The following TNFRSF1B variants were observed in gnomAD, a reference collection of about 807,000 sequenced individuals.
The protein encoded by TNFRSF1B is tumor necrosis factor receptor superfamily member 1B.
Under a neutral mutation model 44.6 loss-of-function variants are expected in TNFRSF1B, and 19 were observed. The ratio of observed to expected loss-of-function variants is 0.43; its 90% CI spans 0.30 to 0.62. The LOEUF (loss-of-function observed/expected upper bound fraction) is 0.62. Ranked by LOEUF, TNFRSF1B falls within the 20% of genes least tolerant of loss-of-function variation. TNFRSF1B has a pLI of 0.16. For synonymous variants in TNFRSF1B, 252 were observed against 261.1 expected (o/e 0.97, Z 0.34); for missense variants, 541 against 619.9 (o/e 0.87, Z 1.35).
chr1:12,185,540 G>A (rs1404189680), intron 1 of TNFRSF1B, among the ~76,000 whole-genome samples: 3 of 152,118 alleles, frequency 2.0e-5, no homozygotes, highest in East Asian at 1.9e-4. Context: ...TACTGGGACC[G>A]AGTGTGTGTG....
intron 4 of TNFRSF1B, 119 bp from the exon 5 acceptor site, chr1:12,192,312 G>T (rs753332077): frequency 5.2e-6 from 4 of 768,992 alleles, no homozygotes; most frequent in Non-Finnish European, 4.5e-6. Flanking sequence ...GTGTGTAAGG[G>T]GTGGAGGTGC....
Position 12,194,022 on chromosome 1 carries a change from C to A in TNFRSF1B, c.855C>A (p.Thr285=), listed in dbSNP as rs201648206. Residue 285 remains threonine, a synonymous_variant, in exon 7 of 10, where the codon ACC becomes ACA. Transcript: ENST00000376259. ...IIGVVNCVIM[T]QVKKKPLCLQ... is the part of the protein sequence containing the mutation. ...GAGTGGTGAACTGTGTCATCATGAC[C>A]CAGGTGAAAAGTAAGAGTCCATCCT... 1.1e-4 allele frequency: 172 copies of A among 1,613,606 alleles called. 1 individual carries two copies. The highest frequency in any genetic ancestry group is 1.4e-4 in the Non-Finnish European group (166 of 1,179,726).
At chr1:12,197,171 C>A (rs879667563) in intron 8 of TNFRSF1B, among the ~76,000 whole-genome samples, 3 of 152,052 alleles carry the variant, frequency 2.0e-5, no homozygotes, top group East Asian at 1.9e-4. Flanking sequence ...TGGTCTCAAA[C>A]CCCTGACCTC....
chr1:12,202,346 G>A (rs1639413090), intron 9 of TNFRSF1B, among the ~76,000 whole-genome samples, 175 bp downstream of exon 9: 1 of 152,198 alleles, frequency 6.6e-6, no homozygotes, highest in Non-Finnish European at 1.5e-5. Context: ...GCCCATGCTG[G>A]GCCTATCACC....
At position 12,178,685 on chromosome 1, in the gene TNFRSF1B, T is replaced by C. The variant is rs1207694328; in HGVS notation, c.79-10111T>C. ...GAAGTCAGCACTGCCAGGTCGGGGG[T>C]GGCGGGTCAGGACGTTTGGGCAGAG... On this transcript the variant is annotated intron_variant, in intron 1 of 9. Transcript: ENST00000376259. The surrounding 1 kb of genome is among the most constrained non-coding windows in gnomAD (Gnocchi z 4.3). Among the ~76,000 whole-genome samples the C allele has an allele frequency of 6.6e-6, 1 of 151,414 alleles. No homozygotes were observed. Among genetic ancestry groups the C allele is most frequent in the Non-Finnish European group, 1.5e-5 (1 of 67,906 alleles).
chr1:12,194,940 T>C (rs1258488767), intron 8 of TNFRSF1B, among the ~76,000 whole-genome samples: 1 of 152,246 alleles, frequency 6.6e-6, no homozygotes, highest in African/African-American at 2.4e-5. Context: ...GGGGGTTGTG[T>C]CTGCTCGATC....
At position 12,199,636 on chromosome 1, in the gene TNFRSF1B, G is replaced by A. The variant is rs1427639164; in HGVS notation, c.901-2331G>A. ...TTGGACAGAGAGGACCCTGGTACTCGCATCTGTTCTCAGACCACATCTGGA... is the reference window on the plus strand; with the variant it reads ...TTGGACAGAGAGGACCCTGGTACTCACATCTGTTCTCAGACCACATCTGGA... On this transcript the variant is annotated intron_variant, in intron 8 of 9. Transcript: ENST00000376259. The surrounding 1 kb of genome is among the most constrained non-coding windows in gnomAD (Gnocchi z 4.0). 6.6e-6 allele frequency among the ~76,000 whole-genome samples: 1 copy of A among 152,158 alleles called. No homozygotes were observed. Among genetic ancestry groups the A allele is most frequent in the Non-Finnish European group, 1.5e-5 (1 of 68,024 alleles).
chr1:12,188,662 AAACC>A, intron 1 of TNFRSF1B, 130 bp from the exon 2 acceptor site: 1 of 787,558 alleles, frequency 1.3e-6, no homozygotes, highest in Non-Finnish European at 2.0e-6. Flanking sequence ...CCAGGGGGAG[AAACC>A]TCCCCAGCCA....
intron 1 of TNFRSF1B, among the ~76,000 whole-genome samples, chr1:12,170,382 G>A (rs1638494343): frequency 6.6e-6 from 1 of 152,204 alleles, no homozygotes; most frequent in Non-Finnish European, 1.5e-5. Flanking sequence ...GTTCTCATCT[G>A]TGGTTGTGGA....
chr1:12,193,209 T>TATCCCAGGACAGGGCACAGG, intron 6 of TNFRSF1B, 111 bp downstream of exon 6: 1 of 976,318 alleles, frequency 1.0e-6, no homozygotes, highest in Non-Finnish European at 1.6e-6. Flanking sequence ...CTGGACCCTG[T>TATCCCAGGACAGGGCACAGG]GCCCTGTCCT....
intron 6 of TNFRSF1B, 146 bp downstream of exon 6, chr1:12,193,244 C>A: frequency 1.3e-6 from 1 of 756,450 alleles, no homozygotes; most frequent in Non-Finnish European, 2.3e-6. Context: ...AGTGAGACTG[C>A]TTTCTCCCCA....
rs530711664 is a variant in TNFRSF1B at position 12,169,680 on chromosome 1, C to T, written c.78+2511C>T. On this transcript the variant is annotated intron_variant, in intron 1 of 9. Coordinates refer to ENST00000376259, the MANE Select transcript of TNFRSF1B (RefSeq NM_001066.3). The surrounding 1 kb of genome is among the most constrained non-coding windows in gnomAD (Gnocchi z 4.5). ...CGACTCACTGCCAGCAGGGCTTTTG[C>T]CCCGTTTAAAAGTCTTATTTGCCAG... Among the ~76,000 whole-genome samples, 7 of 152,350 alleles carry T rather than the reference C, an allele frequency of 4.6e-5. No individual in the cohort carries two copies. The South Asian group carries it at 1.5e-3, about 32-fold the overall frequency.
In TNFRSF1B at chr1:12,207,210, T is replaced by A; in HGVS notation, c.*190T>A. On this transcript the variant is annotated 3_prime_UTR_variant, in exon 10 of 10. Coordinates refer to ENST00000376259, the MANE Select transcript of TNFRSF1B (RefSeq NM_001066.3). Reference sequence around the variant, plus strand: ...GCAGGCCAAGAGCAGAGGCAGCGAGTTGTGGAAAGCCTCTGCTGCCATGGC... The same window carrying A: ...GCAGGCCAAGAGCAGAGGCAGCGAGATGTGGAAAGCCTCTGCTGCCATGGC... The A allele has an allele frequency of 1.9e-6, 1 of 524,812 alleles. No individual in the cohort carries two copies. The highest frequency in any genetic ancestry group is 4.6e-5 in the South Asian group (1 of 21,844). The allele number at this position is 524,812 out of a possible 1,614,324, so 32.5% of individuals were successfully genotyped here. A position where few individuals can be genotyped will look rare whatever the true frequency, so the allele number is the denominator to read the frequency against.
At chr1:12,176,971 TCCTGAGC>T (rs17880241) in intron 1 of TNFRSF1B, among the ~76,000 whole-genome samples, 5,392 of 151,450 alleles carry the variant, frequency 0.036, 104 homozygotes, top group African/African-American at 0.056. Flanking sequence ...GCTCTGCCTG[TCCTGAGC>T]CCTGAGCCCT....
Position 12,199,972 on chromosome 1 carries a change from C to T in TNFRSF1B, c.901-1995C>T, listed in dbSNP as rs1408832895. On this transcript the variant is annotated intron_variant, in intron 8 of 9. Transcript: ENST00000376259. The surrounding 1 kb of genome is among the most constrained non-coding windows in gnomAD (Gnocchi z 4.0). ...CTGGCCAGCCAGTGGGAACAGACAA[C>T]AGCCTGGGAGAGGAATTTCCAGCCT... Among the ~76,000 whole-genome samples, 1 of 151,960 alleles carries T rather than the reference C, an allele frequency of 6.6e-6. No individual in the cohort carries two copies. Among genetic ancestry groups the T allele is most frequent in the East Asian group, 1.9e-4 (1 of 5,176 alleles).
At chr1:12,191,685 C>A (rs528629646) in intron 3 of TNFRSF1B, 89 bp from the exon 4 acceptor site, 9 of 1,554,640 alleles carry the variant, frequency 5.8e-6, no homozygotes, top group Middle Eastern at 2.0e-4. Context: ...CCTGGAGATC[C>A]GCTGTCTGAG....
At chr1:12,205,985 A>T (rs1424146763) in intron 9 of TNFRSF1B, among the ~76,000 whole-genome samples, 5 of 152,070 alleles carry the variant, frequency 3.3e-5, no homozygotes, top group Non-Finnish European at 7.3e-5. Context: ...GTGTGATATG[A>T]GAGAAAGATG....
chr1:12,201,103 C>CA (rs1450375336), intron 8 of TNFRSF1B, among the ~76,000 whole-genome samples: 2 of 151,562 alleles, frequency 1.3e-5, no homozygotes, highest in Non-Finnish European at 2.9e-5. Context: ...CAATCGACAA[C>CA]AAAAAAATTA....
chr1:12,194,559 T>A, intron 7 of TNFRSF1B, 25 bp from the exon 8 acceptor site: 9 of 1,614,094 alleles, frequency 5.6e-6, no homozygotes, highest in Non-Finnish European at 7.6e-6. Context: ...GTCAATCTCT[T>A]ACTTGTCCCC....
Sources: gnomAD v4.1 joint callset for allele counts (sites outside exome capture counted in the v4.1 genomes callset) on GRCh38, gnomAD v4.1.1 for gene constraint, Gnocchi (gnomAD v3.1) non-coding constraint, MANE v1.5 for transcripts, NCBI Gene and HGNC (gene_info 2026-07-23, HGNC 2026-07-21) for gene names.